Variants in DOCK2 observed in about 807,000 individuals in gnomAD.
DOCK2 encodes dedicator of cytokinesis 2, also known as dedicator of cytokinesis protein 2.
A neutral mutation model predicts 248.9 loss-of-function variants in DOCK2; 87 were observed. That is an observed-to-expected ratio of 0.35 (90% CI 0.29 to 0.42). The LOEUF (loss-of-function observed/expected upper bound fraction) is 0.42, where lower values mean the gene tolerates loss of function less well. Ranked by LOEUF, DOCK2 falls within the 10% of genes least tolerant of loss-of-function variation. The pLI, the probability that DOCK2 is intolerant of heterozygous loss-of-function variation, is 1.00. For missense variants in DOCK2, 1,747 were observed against 2,300.2 expected, an observed-to-expected ratio of 0.76 and a Z score of 4.92; for synonymous variants, 805 against 821.6, an observed-to-expected ratio of 0.98 and a Z score of 0.35.
intron 26 of DOCK2, among the ~76,000 whole-genome samples, chr5:169,820,144 C>CA (rs1732028434): frequency 6.6e-6 from 1 of 152,220 alleles, no homozygotes; most frequent in African/African-American, 2.4e-5. Flanking sequence ...GGGTGGAGCC[C>CA]AACGCAGCTC....
chr5:170,028,069 T>C lies in DOCK2; in HGVS notation c.3467+121T>C, dbSNP rs1224713367. ...CCCTGGAGATGGATCTAGAGGCTCATGGGTATTGGCAAAACTCCATTTTTG... is the reference window on the plus strand; with the variant it reads ...CCCTGGAGATGGATCTAGAGGCTCACGGGTATTGGCAAAACTCCATTTTTG... On this transcript the variant is annotated intron_variant, in intron 34 of 51. Transcript: ENST00000520908. 5.3e-6 allele frequency: 4 copies of C among 758,036 alleles called. No individual in the cohort carries two copies. The African/African-American group carries it at 7.1e-5, about 14-fold the overall frequency. The allele number at this position is 758,036 out of a possible 1,614,324, so 47.0% of individuals were successfully genotyped here.
At chr5:169,979,646 A>C (rs1249427828) in intron 27 of DOCK2, among the ~76,000 whole-genome samples, 1 of 152,224 alleles carries the variant, frequency 6.6e-6, no homozygotes, top group Non-Finnish European at 1.5e-5. Context: ...GCTTCTAGTC[A>C]GAAGTAAAAC....
intron 27 of DOCK2, among the ~76,000 whole-genome samples, chr5:169,858,638 A>G (rs1160240727): frequency 6.6e-6 from 1 of 152,206 alleles, no homozygotes; most frequent in Non-Finnish European, 1.5e-5. Flanking sequence ...GTTCTAAGTC[A>G]GAGTGTAATG....
intron 27 of DOCK2, among the ~76,000 whole-genome samples, chr5:169,846,751 G>A (rs1770342051): frequency 1.3e-5 from 2 of 151,914 alleles, no homozygotes; most frequent in South Asian, 4.1e-4. Context: ...TTGTTACATG[G>A]ATGAATTATA....
At chr5:169,793,786 C>T (rs984076372) in intron 25 of DOCK2, among the ~76,000 whole-genome samples, 6 of 152,142 alleles carry the variant, frequency 3.9e-5, no homozygotes, top group African/African-American at 1.2e-4. Context: ...GCAATCCAGC[C>T]ACATTTGTGT....
At chr5:169,744,867 G>A (rs890814) in intron 22 of DOCK2, among the ~76,000 whole-genome samples, 51,973 of 152,142 alleles carry the variant, frequency 0.34, 10,585 homozygotes, top group East Asian at 0.6. Flanking sequence ...CCTTGTTGGA[G>A]GAGCAGGTGG....
At position 169,887,787 on chromosome 5, in the gene DOCK2, G is replaced by A. The variant is rs1031351073; in HGVS notation, c.2799+46935G>A. 2.1e-4 allele frequency among the ~76,000 whole-genome samples: 32 copies of A among 152,146 alleles called. 1 individual carries two copies. The highest frequency in any genetic ancestry group is 5.5e-4 in the African/African-American group (23 of 41,448). On this transcript the variant is annotated intron_variant, in intron 27 of 51. Transcript: ENST00000520908. ...AAAGTAGCTGTGCATTTTAGATTTCGTTGATACTACCATGTTACCACTCAT... is the reference window on the plus strand; with the variant it reads ...AAAGTAGCTGTGCATTTTAGATTTCATTGATACTACCATGTTACCACTCAT...
chr5:169,986,455 G>A (rs574801457), intron 29 of DOCK2, among the ~76,000 whole-genome samples: 4 of 152,194 alleles, frequency 2.6e-5, no homozygotes, highest in East Asian at 3.9e-4. Context: ...TATAATACCC[G>A]TTAACATCTC....
At chr5:170,060,270 G>A (rs1277393773) in intron 44 of DOCK2, among the ~76,000 whole-genome samples, 2 of 152,188 alleles carry the variant, frequency 1.3e-5, no homozygotes, top group African/African-American at 2.4e-5. Context: ...GATAAGGACT[G>A]TATATCTCTG....
At chr5:169,901,506 G>T (rs529798235) in intron 27 of DOCK2, among the ~76,000 whole-genome samples, 4 of 152,228 alleles carry the variant, frequency 2.6e-5, no homozygotes, top group Admixed American at 6.5e-5. Context: ...GATTTTTCTG[G>T]TTTTTCTGAG....
intron 8 of DOCK2, among the ~76,000 whole-genome samples, chr5:169,685,764 A>T (rs1011614591): frequency 2.0e-5 from 3 of 152,216 alleles, no homozygotes; most frequent in Non-Finnish European, 4.4e-5. Flanking sequence ...ACATTGTCTC[A>T]TCTAATCCTC....
At chr5:169,960,868 A>G (rs1433656273) in intron 27 of DOCK2, among the ~76,000 whole-genome samples, 1 of 152,216 alleles carries the variant, frequency 6.6e-6, no homozygotes, top group Non-Finnish European at 1.5e-5. Flanking sequence ...CCCTTTGTCC[A>G]GTATATTCAC....
At chr5:169,908,061 A>G (rs1311177735) in intron 27 of DOCK2, among the ~76,000 whole-genome samples, 2 of 152,214 alleles carry the variant, frequency 1.3e-5, no homozygotes, top group Admixed American at 1.3e-4. Flanking sequence ...AGATCAAGCC[A>G]TCCCCAGGAA....
At chr5:169,756,335 C>G (rs771151234) in intron 23 of DOCK2, among the ~76,000 whole-genome samples, 1 of 152,238 alleles carries the variant, frequency 6.6e-6, no homozygotes, top group African/African-American at 2.4e-5. Context: ...AAGCCAGCAA[C>G]TCGCAGCAGA....
At chr5:169,746,454 C>T (rs1763618651) in intron 22 of DOCK2, among the ~76,000 whole-genome samples, 1 of 152,136 alleles carries the variant, frequency 6.6e-6, no homozygotes, top group Non-Finnish European at 1.5e-5. Flanking sequence ...TTTGCCAAGG[C>T]CCGGGCACAC....
Position 170,081,952 on chromosome 5 carries a change from C to G in DOCK2, c.5398C>G (p.Arg1800Gly). The change falls in exon 51 of 52, where the codon CGG (arginine) becomes GGG (glycine). Residue 1800 changes from arginine to glycine, a missense_variant. Physicochemically the swap from Arg to Gly is moderately radical, Grantham distance 125. Coordinates refer to ENST00000520908, the MANE Select transcript of DOCK2 (RefSeq NM_004946.3). ...AGATGGTGACAAGAAGACACTCACA[C>G]GGAAGAAGGTCAATCAGTTCTTCAA... is the stretch of plus-strand genomic sequence containing the variant. ...LSDGDKKTLTRKKVNQFFKTM... is the reference protein window; with the variant it reads ...LSDGDKKTLTGKKVNQFFKTM... 1 of 1,614,072 alleles carries G rather than the reference C, an allele frequency of 6.2e-7. No individual in the cohort carries two copies. The highest frequency in any genetic ancestry group is 1.1e-5 in the South Asian group (1 of 91,074).
intron 9 of DOCK2, among the ~76,000 whole-genome samples, chr5:169,694,738 C>T (rs1034828170): frequency 2.0e-5 from 3 of 151,860 alleles, no homozygotes; most frequent in Non-Finnish European, 2.9e-5. Context: ...CCAGCACTTT[C>T]GGAGGCTGAT....
intron 32 of DOCK2, among the ~76,000 whole-genome samples, chr5:170,018,234 G>A (rs571699470): frequency 6.6e-6 from 1 of 152,320 alleles, no homozygotes; most frequent in African/African-American, 2.4e-5. Flanking sequence ...GCACCCATCT[G>A]GGGGAGGCTG....
chr5:170,080,513 G>C (rs1281266208), intron 50 of DOCK2: 5 of 578,540 alleles, frequency 8.6e-6, no homozygotes, highest in Admixed American at 6.3e-5. Flanking sequence ...GAGGCCTGCT[G>C]TCCCTTGGGC....
Sources: allele counts gnomAD v4.1 joint callset (sites outside exome capture counted in the v4.1 genomes callset), GRCh38; gene constraint gnomAD v4.1.1; transcripts MANE v1.5; gene names NCBI Gene and HGNC (gene_info 2026-07-23, HGNC 2026-07-21).